The following AUTS2 variants were observed in gnomAD, a reference collection of about 807,000 sequenced individuals.
The protein encoded by AUTS2 is activator of transcription and developmental regulator AUTS2, also known as autism susceptibility gene 2 protein.
AUTS2 carries 17 observed loss-of-function variants against 112.4 expected under a neutral mutation model. That is an observed-to-expected ratio of 0.15 (90% confidence interval 0.10 to 0.23). AUTS2 has a LOEUF of 0.23. AUTS2 is among the 10% of genes least tolerant of loss of function. The pLI, the probability that AUTS2 is intolerant of heterozygous loss-of-function variation, is 1.00. For synonymous variants in AUTS2, 751 were observed against 702.7 expected (o/e 1.07, Z -1.09); for missense variants, 1,510 against 1,701.6 (o/e 0.89, Z 1.98).
chr7:70,732,133 A>G (rs959920904), intron 6 of AUTS2, among the ~76,000 whole-genome samples: 3 of 152,210 alleles, frequency 2.0e-5, no homozygotes, highest in Non-Finnish European at 2.9e-5. Flanking sequence ...GTGATTAATA[A>G]TCATACTAAA....
intron 5 of AUTS2, among the ~76,000 whole-genome samples, chr7:70,646,538 G>A (rs763097777): frequency 5.3e-5 from 8 of 152,226 alleles, no homozygotes; most frequent in Non-Finnish European, 1.0e-4. Flanking sequence ...TTTTGATGGT[G>A]TTTAGATGGG....
At chr7:69,651,802 T>C (rs557678229) in intron 1 of AUTS2, among the ~76,000 whole-genome samples, 1 of 152,308 alleles carries the variant, frequency 6.6e-6, no homozygotes, top group African/African-American at 2.4e-5. Context: ...GATGGTAAAA[T>C]CATTTCTTAG....
At chr7:69,703,208 A>G (rs756742562) in intron 1 of AUTS2, among the ~76,000 whole-genome samples, 1 of 152,136 alleles carries the variant, frequency 6.6e-6, no homozygotes, top group Non-Finnish European at 1.5e-5. Flanking sequence ...ACTTCTGTGC[A>G]GGACTCCTGA....
At chr7:69,929,874 AC>A (rs1298537433) in intron 2 of AUTS2, among the ~76,000 whole-genome samples, 1 of 152,128 alleles carries the variant, frequency 6.6e-6, no homozygotes, top group African/African-American at 2.4e-5. Flanking sequence ...TCATTGTGTA[AC>A]TGGTGATCTT....
At chr7:70,211,780 A>T (rs1810914662) in intron 4 of AUTS2, among the ~76,000 whole-genome samples, 1 of 151,976 alleles carries the variant, frequency 6.6e-6, no homozygotes, top group African/African-American at 2.4e-5. Flanking sequence ...AGGTCAGGAG[A>T]TCGAGACCAT....
chr7:70,122,779 C>T (rs1002563697), intron 3 of AUTS2, among the ~76,000 whole-genome samples: 7 of 151,410 alleles, frequency 4.6e-5, no homozygotes, highest in African/African-American at 1.7e-4. Flanking sequence ...GATCCCTAGT[C>T]ACATTTCCCT....
At chr7:70,431,080 G>T (rs1183471666) in intron 4 of AUTS2, among the ~76,000 whole-genome samples, 2 of 151,782 alleles carry the variant, frequency 1.3e-5, no homozygotes, top group South Asian at 4.2e-4. Context: ...CTCGTGATCC[G>T]CCCGCCTCGG....
chr7:70,372,386 AAG>A (rs1388645168), intron 4 of AUTS2, among the ~76,000 whole-genome samples: 1 of 152,204 alleles, frequency 6.6e-6, no homozygotes, highest in Admixed American at 6.5e-5. Flanking sequence ...AACTGCTAAA[AAG>A]ATGTGCAGTA....
At chr7:70,124,561 C>CT (rs770621547) in intron 3 of AUTS2, among the ~76,000 whole-genome samples, 306 of 144,278 alleles carry the variant, frequency 2.1e-3, no homozygotes, top group African/African-American at 2.4e-3. Flanking sequence ...CAGCTTCAAT[C>CT]TTTTTTTTTT....
At chr7:70,073,532 G>A (rs1180644273) in intron 2 of AUTS2, among the ~76,000 whole-genome samples, 3 of 151,630 alleles carry the variant, frequency 2.0e-5, no homozygotes, top group Non-Finnish European at 4.4e-5. Context: ...AAAAAAAATG[G>A]GATGGGTCAG....
chr7:70,115,832 TAGAA>T (rs539110855), intron 2 of AUTS2, among the ~76,000 whole-genome samples: 170 of 152,012 alleles, frequency 1.1e-3, no homozygotes, highest in African/African-American at 1.7e-3. Flanking sequence ...AAATAAATAA[TAGAA>T]AGAAAGAGCT....
At chr7:69,944,458 G>A (rs911828346) in intron 2 of AUTS2, among the ~76,000 whole-genome samples, 1 of 152,126 alleles carries the variant, frequency 6.6e-6, no homozygotes, top group Admixed American at 6.5e-5. Flanking sequence ...TTTTATCTAA[G>A]TGTAAGACTG....
At position 70,334,285 on chromosome 7, in the gene AUTS2, A is replaced by G. The variant is rs141397699; in HGVS notation, c.661-101467A>G. 1.7e-3 allele frequency among the ~76,000 whole-genome samples: 263 copies of G among 152,266 alleles called. 1 individual carries two copies. Among genetic ancestry groups the G allele is most frequent in the African/African-American group, 6.0e-3 (250 of 41,562 alleles). Reference sequence around the variant, plus strand: ...CCCTTCTATTTCTAGTTTTGTGAGTATTTCCAGCATGAATGGGTGTTGAAT... The same window carrying G: ...CCCTTCTATTTCTAGTTTTGTGAGTGTTTCCAGCATGAATGGGTGTTGAAT... On this transcript the variant is annotated intron_variant, in intron 4 of 18. Coordinates refer to ENST00000342771, the MANE Select transcript of AUTS2 (RefSeq NM_015570.4).
chr7:70,484,537 AC>A (rs1797910915), intron 5 of AUTS2, among the ~76,000 whole-genome samples: 1 of 152,036 alleles, frequency 6.6e-6, no homozygotes, highest in African/African-American at 2.4e-5. Flanking sequence ...CAAGCTAGTT[AC>A]CTCCCTCCTC....
At chr7:70,293,747 G>T (rs1005067770) in intron 4 of AUTS2, 1 of 152,154 alleles carries the variant, frequency 6.6e-6, no homozygotes, top group African/African-American at 2.4e-5. Context: ...GGATGATGCC[G>T]TACCCTTAGT....
At chr7:70,632,129 C>T (rs1015600405) in intron 5 of AUTS2, among the ~76,000 whole-genome samples, 2 of 151,992 alleles carry the variant, frequency 1.3e-5, no homozygotes, top group Non-Finnish European at 2.9e-5. Flanking sequence ...CAGTACCCAC[C>T]GTGGAGGTTG....
intron 1 of AUTS2, among the ~76,000 whole-genome samples, chr7:69,791,342 G>A (rs1789599438): frequency 6.6e-6 from 1 of 152,162 alleles, no homozygotes; most frequent in Admixed American, 6.5e-5. Flanking sequence ...TGCTGCTATT[G>A]TGTCCAGAGG....
chr7:69,722,773 A>G (rs141134813), intron 1 of AUTS2, among the ~76,000 whole-genome samples: 189 of 152,164 alleles, frequency 1.2e-3, no homozygotes, highest in African/African-American at 4.3e-3. Context: ...TTGGGAAATT[A>G]TAAACATACT....
intron 2 of AUTS2, among the ~76,000 whole-genome samples, chr7:69,917,737 A>T (rs919717327): frequency 2.6e-5 from 4 of 152,144 alleles, no homozygotes; most frequent in African/African-American, 9.7e-5. Context: ...CTTAGCTCCC[A>T]CTTATAAGTG....
Sources: gnomAD v4.1 joint callset for allele counts (sites outside exome capture counted in the v4.1 genomes callset) on GRCh38, gnomAD v4.1.1 for gene constraint, MANE v1.5 for transcripts, NCBI Gene and HGNC (gene_info 2026-07-23, HGNC 2026-07-21) for gene names.